Variants in ADAM17 observed in about 807,000 individuals in gnomAD.
ADAM17 encodes ADAM metallopeptidase domain 17, also known as disintegrin and metalloproteinase domain-containing protein 17.
A neutral mutation model predicts 96.7 loss-of-function variants in ADAM17; 39 were observed. That is an observed-to-expected ratio of 0.40 (90% confidence interval 0.31 to 0.53). The LOEUF (loss-of-function observed/expected upper bound fraction) is 0.53, where lower values mean the gene tolerates loss of function less well. Among genes scored for constraint, ADAM17 ranks in the 20% least tolerant of loss-of-function variants. ADAM17 has a pLI of 0.44. For missense variants in ADAM17, 777 were observed against 1,013.2 expected (o/e 0.77, Z 3.17); for synonymous variants, 344 against 359.2 (o/e 0.96, Z 0.48).
intron 2 of ADAM17, among the ~76,000 whole-genome samples, chr2:9,541,034 A>G (rs1232843972): frequency 6.6e-6 from 1 of 152,210 alleles, no homozygotes; most frequent in Non-Finnish European, 1.5e-5. Flanking sequence ...TTCCAGGAAT[A>G]TATCCTATAA....
chr2:9,490,740 A>G (rs1662064469), intron 18 of ADAM17, among the ~76,000 whole-genome samples: 1 of 152,236 alleles, frequency 6.6e-6, no homozygotes, highest in African/African-American at 2.4e-5. Context: ...AGTAATTACT[A>G]GCTTTCAAGC....
At chr2:9,536,554 T>C (rs534630236) in intron 3 of ADAM17, 144 bp downstream of exon 3, 6 of 1,089,386 alleles carry the variant, frequency 5.5e-6, no homozygotes, top group Middle Eastern at 2.1e-4. Flanking sequence ...TCTAAACTTA[T>C]ATACCTCAAA....
chr2:9,526,085 T>A (rs774125523), intron 6 of ADAM17, 26 bp downstream of exon 6: 1 of 1,569,990 alleles, frequency 6.4e-7, no homozygotes, highest in East Asian at 2.3e-5. Context: ...TTTTTTCAAT[T>A]ACTCGATGCA....
chr2:9,507,533 A>C (rs1014473302), intron 11 of ADAM17, among the ~76,000 whole-genome samples: 2 of 152,162 alleles, frequency 1.3e-5, no homozygotes, highest in Non-Finnish European at 2.9e-5. Flanking sequence ...TAAATAAATA[A>C]AACATAGAAG....
intron 13 of ADAM17, among the ~76,000 whole-genome samples, chr2:9,499,060 T>C (rs1041996436): frequency 6.6e-6 from 1 of 151,784 alleles, no homozygotes; most frequent in African/African-American, 2.4e-5. Context: ...AGCTCCCAGG[T>C]GATGCTGCTG....
chr2:9,499,696 C>T (rs1426140652), intron 13 of ADAM17, among the ~76,000 whole-genome samples: 2 of 152,050 alleles, frequency 1.3e-5, no homozygotes, highest in African/African-American at 2.4e-5. Context: ...GCCACTGTGC[C>T]GGGCCATCAG....
At chr2:9,493,107 G>A (rs546209234) in intron 16 of ADAM17, 121 bp from the exon 17 acceptor site, 10 of 756,210 alleles carry the variant, frequency 1.3e-5, no homozygotes, top group Non-Finnish European at 2.1e-5. Context: ...ATACTACCGA[G>A]AGCAGAATGT....
In ADAM17 at chr2:9,520,964, CAAAAA is replaced by C. The variant is rs55909096; in HGVS notation, c.957+234_957+238del. ...GGGCAACAAGAGTGAAACTCTGTCT[CAAAAA>C]AAAAAAAAAAAAAAAAAGGAAGCAT... On this transcript the variant is annotated intron_variant, in intron 8 of 18. Coordinates refer to ENST00000310823, the MANE Select transcript of ADAM17 (RefSeq NM_003183.6). Among the ~76,000 whole-genome samples, 97 of 26,294 alleles carry C rather than the reference CAAAAA, an allele frequency of 3.7e-3. 14 individuals carry two copies. Among genetic ancestry groups the C allele is most frequent in the Middle Eastern group, 0.1 (2 of 20 alleles). The allele number at this position is 26,294 out of a possible 152,430, so 17.2% of individuals were successfully genotyped here.
chr2:9,492,398 AC>A (rs2124957743), intron 17 of ADAM17, among the ~76,000 whole-genome samples: 1 of 152,280 alleles, frequency 6.6e-6, no homozygotes, highest in South Asian at 2.1e-4. Flanking sequence ...AAGACTGCTT[AC>A]TCTTATTTTT....
intron 16 of ADAM17, 139 bp from the exon 17 acceptor site, chr2:9,493,125 G>A: frequency 1.5e-6 from 1 of 664,472 alleles, no homozygotes; most frequent in Non-Finnish European, 2.5e-6. Flanking sequence ...TGTCTGTGCT[G>A]CCTGTATTAC....
intron 10 of ADAM17, among the ~76,000 whole-genome samples, chr2:9,513,458 T>C (rs1428233996): frequency 1.3e-5 from 2 of 152,140 alleles, no homozygotes; most frequent in Admixed American, 6.5e-5. Context: ...CTCAGACTTG[T>C]AACTGGTGGG....
intron 10 of ADAM17, 35 bp downstream of exon 10, chr2:9,517,864 ACT>A (rs1664133702): frequency 1.4e-6 from 2 of 1,395,944 alleles, no homozygotes; most frequent in Non-Finnish European, 1.9e-6. Flanking sequence ...ACTACAATAA[ACT>A]CTAACACTAT....
At chr2:9,519,381 C>T (rs981239399) in intron 8 of ADAM17, among the ~76,000 whole-genome samples, 2 of 152,170 alleles carry the variant, frequency 1.3e-5, no homozygotes, top group African/African-American at 4.8e-5. Flanking sequence ...TCATTTTTCT[C>T]TTTGGTTCCT....
chr2:9,511,247 G>C (rs760460738), intron 10 of ADAM17, among the ~76,000 whole-genome samples: 2 of 151,918 alleles, frequency 1.3e-5, no homozygotes, highest in African/African-American at 4.8e-5. Context: ...TCAGGAGTTC[G>C]AGACCAGCCT....
chr2:9,523,439 G>T, intron 6 of ADAM17, 101 bp from the exon 7 acceptor site: 1 of 1,053,212 alleles, frequency 9.5e-7, no homozygotes, highest in Non-Finnish European at 1.4e-6. Flanking sequence ...TCAGTTTAGA[G>T]GCCATTGCAA....
At chr2:9,529,292 A>AG (rs1664647304) in intron 4 of ADAM17, among the ~76,000 whole-genome samples, 1 of 152,032 alleles carries the variant, frequency 6.6e-6, no homozygotes, top group South Asian at 2.1e-4. Context: ...TCTAGTAAAA[A>AG]ATACAAAAAT....
At chr2:9,554,139 A>T (rs1036581493) in intron 1 of ADAM17, among the ~76,000 whole-genome samples, 3 of 152,340 alleles carry the variant, frequency 2.0e-5, no homozygotes, top group African/African-American at 7.2e-5. Context: ...GTTTCTCTTT[A>T]AACTGTATGC....
chr2:9,555,235 TC>T (rs1180473588), intron 1 of ADAM17, among the ~76,000 whole-genome samples: 1 of 151,722 alleles, frequency 6.6e-6, no homozygotes, highest in Non-Finnish European at 1.5e-5. Context: ...CCCAACACCC[TC>T]CCCGAACACA....
rs772443121 is a variant in ADAM17, at chr2:9,490,312, G to T, written c.2340C>A (p.Asp780Glu). 1 of 1,614,124 alleles carries T rather than the reference G, an allele frequency of 6.2e-7. No individual in the cohort carries two copies. The highest frequency in any genetic ancestry group is 1.1e-5 in the South Asian group (1 of 91,072). ...CAGCTGTGCTGCTATTTGGGAAGGG[G>T]TCCTTCTCAAACCCATCCTCGTCCA... ...SHMDEDGFEKDPFPNSSTAAK... is the reference protein window; with the variant it reads ...SHMDEDGFEKEPFPNSSTAAK... The change falls in exon 19 of 19, where the codon GAC (aspartate) becomes GAA (glutamate). Residue 780 changes from aspartate to glutamate, a missense_variant. By Grantham distance (45) the Asp-to-Glu change is conservative. This residue lies in a region of ADAM17 where 197 missense variants were observed against 219.4 expected (regional missense o/e 0.90). Transcript: ENST00000310823.
Sources: gnomAD v4.1 joint callset for allele counts (sites outside exome capture counted in the v4.1 genomes callset) on GRCh38, gnomAD v4.1.1 for gene constraint, gnomAD v4.1.1 regional missense constraint, MANE v1.5 for transcripts, NCBI Gene and HGNC (gene_info 2026-07-23, HGNC 2026-07-21) for gene names.